Variants in XRCC4 observed in about 807,000 individuals in gnomAD.
XRCC4 encodes DNA repair protein XRCC4.
In XRCC4, 28 loss-of-function variants were observed where a neutral mutation model predicts 39.1. The ratio of observed to expected loss-of-function variants is 0.72; its 90% CI spans 0.53 to 0.98. The LOEUF (loss-of-function observed/expected upper bound fraction) is 0.98, where lower values mean the gene tolerates loss of function less well. XRCC4 is among the 50% of genes least tolerant of loss of function. The pLI, the probability that XRCC4 is intolerant of heterozygous loss-of-function variation, is 0.00. For synonymous variants in XRCC4, 123 were observed against 126.4 expected (o/e 0.97, Z 0.18); for missense variants, 350 against 376.4 (o/e 0.93, Z 0.58).
At chr5:83,226,099 G>T (rs183875517) in intron 6 of XRCC4, among the ~76,000 whole-genome samples, 2 of 152,070 alleles carry the variant, frequency 1.3e-5, no homozygotes, top group African/African-American at 4.8e-5. Flanking sequence ...GGAGGTGCTC[G>T]TGTGCCCACT....
chr5:83,360,840 T>C, the XRCC4 span, among the ~76,000 whole-genome samples: 2 of 151,642 alleles, frequency 1.3e-5, no homozygotes, highest in Admixed American at 6.6e-5. Context: ...TAATGCTTGC[T>C]ACCAAAAGCC....
chr5:83,113,577 C>A (rs1746550711), intron 3 of XRCC4, among the ~76,000 whole-genome samples: 1 of 152,140 alleles, frequency 6.6e-6, no homozygotes, highest in Non-Finnish European at 1.5e-5. Context: ...TCATGAGGGC[C>A]CTGCCCCTGC....
intron 6 of XRCC4, among the ~76,000 whole-genome samples, chr5:83,225,124 G>A (rs1477860934): frequency 6.6e-6 from 1 of 151,994 alleles, no homozygotes; most frequent in Non-Finnish European, 1.5e-5. Context: ...AACCCATTTG[G>A]ACAGAGATTT....
intron 6 of XRCC4, among the ~76,000 whole-genome samples, chr5:83,255,175 T>C (rs1291672223): frequency 6.6e-6 from 1 of 152,160 alleles, no homozygotes; most frequent in Non-Finnish European, 1.5e-5. Context: ...GAGTAGTACC[T>C]TTTTATCCTG....
rs531137333 is a variant in XRCC4 at position 83,325,304 on chromosome 5, C to A, written c.894-27827C>A. Reference sequence around the variant, plus strand: ...CTGTCCTTAATTTTTTTCTTTTTTCCTATAAGTTTTATTTTAAGTTCAGGG... The same window carrying A: ...CTGTCCTTAATTTTTTTCTTTTTTCATATAAGTTTTATTTTAAGTTCAGGG... On this transcript the variant is annotated intron_variant, in intron 7 of 7. Coordinates refer to ENST00000396027, the MANE Select transcript of XRCC4 (RefSeq NM_003401.5). Among the ~76,000 whole-genome samples, 3 of 151,074 alleles carry A rather than the reference C, an allele frequency of 2.0e-5. No individual in the cohort carries two copies. The East Asian group carries it at 5.8e-4, about 29-fold the overall frequency.
intron 7 of XRCC4, among the ~76,000 whole-genome samples, chr5:83,301,207 G>A (rs1342100282): frequency 1.3e-5 from 2 of 152,192 alleles, no homozygotes; most frequent in Non-Finnish European, 2.9e-5. Context: ...CAGTGTAAAA[G>A]TGTTTCTGTT....
At chr5:83,270,107 C>T (rs1380734717) in intron 7 of XRCC4, among the ~76,000 whole-genome samples, 3 of 152,106 alleles carry the variant, frequency 2.0e-5, no homozygotes, top group Non-Finnish European at 2.9e-5. Context: ...CTAGATGCCT[C>T]GCATGCACAG....
chr5:83,188,956 A>T (rs1029774788), intron 3 of XRCC4, among the ~76,000 whole-genome samples: 1 of 152,180 alleles, frequency 6.6e-6, no homozygotes, highest in African/African-American at 2.4e-5. Flanking sequence ...TATAGAAGGA[A>T]TCAAATCTGT....
chr5:83,143,240 C>T (rs1748269725), intron 3 of XRCC4, among the ~76,000 whole-genome samples: 1 of 151,950 alleles, frequency 6.6e-6, no homozygotes, highest in Non-Finnish European at 1.5e-5. Context: ...TTTAATCTAC[C>T]TTTATACTGA....
chr5:83,211,089 A>G (rs1240870024), intron 6 of XRCC4, among the ~76,000 whole-genome samples: 1 of 152,220 alleles, frequency 6.6e-6, no homozygotes, highest in Non-Finnish European at 1.5e-5. Flanking sequence ...TGACCCAAAA[A>G]TAAGCAAATA....
intron 7 of XRCC4, among the ~76,000 whole-genome samples, chr5:83,348,728 C>A (rs1756993744): frequency 1.3e-5 from 2 of 152,242 alleles, no homozygotes; most frequent in South Asian, 4.1e-4. Context: ...GAATTCCTCC[C>A]CAGAAAATGG....
chr5:83,201,595 C>T (rs1358189184), intron 4 of XRCC4: 3 of 152,228 alleles, frequency 2.0e-5, no homozygotes, highest in African/African-American at 4.8e-5. Flanking sequence ...GAAGCTTATC[C>T]TCCTTCTCTA....
At chr5:83,301,280 C>A (rs964556657) in intron 7 of XRCC4, among the ~76,000 whole-genome samples, 19 of 152,102 alleles carry the variant, frequency 1.2e-4, no homozygotes, top group Non-Finnish European at 1.5e-5. Flanking sequence ...TTCTTACTGG[C>A]GTGAGATGGT....
intron 6 of XRCC4, among the ~76,000 whole-genome samples, chr5:83,253,137 G>C (rs1753390720): frequency 1.3e-5 from 2 of 152,180 alleles, no homozygotes. Context: ...TAAAGGAGTA[G>C]AGGGCATTCA....
intron 3 of XRCC4, among the ~76,000 whole-genome samples, chr5:83,175,850 C>G (rs1328937796): frequency 6.6e-6 from 1 of 152,132 alleles, no homozygotes; most frequent in Non-Finnish European, 1.5e-5. Context: ...CTCAGGTGAT[C>G]TGCCTGCCTT....
chr5:83,313,082 T>TTTC (rs1491197454), intron 7 of XRCC4, among the ~76,000 whole-genome samples: 4 of 10,956 alleles, frequency 3.7e-4, no homozygotes, highest in Non-Finnish European at 2.9e-3. Flanking sequence ...CTTTTCTTTC[T>TTTC]TTTTTTTTTT....
chr5:83,145,238 T>G (rs1175666159), intron 3 of XRCC4, among the ~76,000 whole-genome samples: 1 of 152,208 alleles, frequency 6.6e-6, no homozygotes, highest in Non-Finnish European at 1.5e-5. Context: ...AATAGCTAAT[T>G]AAAAATCCTT....
intron 7 of XRCC4, among the ~76,000 whole-genome samples, chr5:83,275,379 C>T (rs1441267447): frequency 1.3e-5 from 2 of 150,312 alleles, no homozygotes; most frequent in Non-Finnish European, 3.0e-5. Flanking sequence ...ACTGCAAGCT[C>T]CGCCTCCCGG....
chr5:83,272,695 T>A (rs1485018964), intron 7 of XRCC4, among the ~76,000 whole-genome samples: 5 of 152,166 alleles, frequency 3.3e-5, no homozygotes, highest in Admixed American at 1.3e-4. Context: ...TTTCTGTTCC[T>A]GTTAGTTTGC....
Sources: allele counts gnomAD v4.1 joint callset (sites outside exome capture counted in the v4.1 genomes callset), GRCh38; gene constraint gnomAD v4.1.1; transcripts MANE v1.5; gene names NCBI Gene and HGNC (gene_info 2026-07-23, HGNC 2026-07-21).